PLPPR5: variants seen among roughly 807,000 people sequenced by gnomAD.
The protein encoded by PLPPR5 is phospholipid phosphatase-related protein type 5.
A neutral mutation model predicts 33.9 loss-of-function variants in PLPPR5; 16 were observed. That is an observed-to-expected ratio of 0.47 (90% CI 0.32 to 0.72). PLPPR5 has a LOEUF of 0.72. Ranked by LOEUF, PLPPR5 falls within the 30% of genes least tolerant of loss-of-function variation. The probability of loss-of-function intolerance (pLI) is 0.03; values close to 1 mark genes in which losing one functional copy is unlikely to be tolerated. For missense variants in PLPPR5, 301 were observed against 406.7 expected (o/e 0.74, Z 2.23); for synonymous variants, 163 against 150.3 (o/e 1.08, Z -0.62).
At chr1:98,984,414 G>A (rs1032227731) in intron 1 of PLPPR5, among the ~76,000 whole-genome samples, 3 of 151,920 alleles carry the variant, frequency 2.0e-5, no homozygotes, top group East Asian at 1.9e-4. Flanking sequence ...ATAAGTATTT[G>A]TCCCTGGAAG....
chr1:98,953,355 TTGTGTGTGTGTG>T (rs58092870), intron 2 of PLPPR5, 35 bp from the exon 3 acceptor site: 173,740 of 1,377,074 alleles, frequency 0.13, 3,540 homozygotes, highest in East Asian at 0.24. Flanking sequence ...AACTTCTTGC[TTGTGTGTGTGTG>T]TGTGTGTGTG....
rs530926100 is a variant in PLPPR5 at position 99,002,359 on chromosome 1, C to A, written c.237+2076G>T. 2.0e-5 allele frequency among the ~76,000 whole-genome samples: 3 copies of A among 152,342 alleles called. No individual in the cohort carries two copies. The South Asian group carries it at 6.2e-4, about 32-fold the overall frequency. On this transcript the variant is annotated intron_variant, in intron 1 of 5. Transcript: ENST00000263177. ...ACTTATATTCTCAATGCCTGCCTGA[C>A]CAGCCAGCTTCCACCTTCTTTCAGA...
At chr1:98,974,666 G>T (rs973376382) in intron 1 of PLPPR5, among the ~76,000 whole-genome samples, 1 of 151,970 alleles carries the variant, frequency 6.6e-6, no homozygotes, top group Non-Finnish European at 1.5e-5. Flanking sequence ...ACTGAGGCAG[G>T]AGAAAGTTAT....
intron 5 of PLPPR5, among the ~76,000 whole-genome samples, chr1:98,910,413 T>A (rs191222803): frequency 0.013 from 2,049 of 152,268 alleles, 17 homozygotes; most frequent in Middle Eastern, 0.017. Flanking sequence ...GAAGTTTAAG[T>A]AGAATGAAGT....
At chr1:98,936,581 C>T (rs941532858) in intron 3 of PLPPR5, among the ~76,000 whole-genome samples, 2 of 152,188 alleles carry the variant, frequency 1.3e-5, no homozygotes, top group African/African-American at 2.4e-5. Flanking sequence ...TAAAAGTTTT[C>T]CCAGTTGAGA....
At chr1:98,984,368 TA>T (rs1456871797) in intron 1 of PLPPR5, among the ~76,000 whole-genome samples, 1 of 152,066 alleles carries the variant, frequency 6.6e-6, no homozygotes, top group East Asian at 1.9e-4. Context: ...AAGAACTGAG[TA>T]CACCCCCTTC....
chr1:98,896,953 G>A (rs1414419048), intron 5 of PLPPR5, among the ~76,000 whole-genome samples: 1 of 152,090 alleles, frequency 6.6e-6, no homozygotes, highest in Non-Finnish European at 1.5e-5. Flanking sequence ...AAGGGGAAAA[G>A]TATGAGAAAA....
At chr1:98,905,561 A>T (rs1344003936) in intron 5 of PLPPR5, among the ~76,000 whole-genome samples, 1 of 152,002 alleles carries the variant, frequency 6.6e-6, no homozygotes, top group Non-Finnish European at 1.5e-5. Context: ...TTGTACTTTA[A>T]CATTTTTGCT....
intron 3 of PLPPR5, among the ~76,000 whole-genome samples, chr1:98,926,841 T>A (rs950845237): frequency 2.6e-5 from 4 of 152,226 alleles, no homozygotes; most frequent in Admixed American, 6.5e-5. Flanking sequence ...TCGTATAAAA[T>A]TTTTATTTAA....
intron 1 of PLPPR5, among the ~76,000 whole-genome samples, chr1:98,982,085 G>A (rs553787280): frequency 6.6e-6 from 1 of 151,982 alleles, no homozygotes; most frequent in Non-Finnish European, 1.5e-5. Flanking sequence ...TGATGAAAAT[G>A]TACAGAGTAT....
chr1:98,922,956 G>C (rs942849911), intron 3 of PLPPR5, among the ~76,000 whole-genome samples: 1 of 151,878 alleles, frequency 6.6e-6, no homozygotes, highest in African/African-American at 2.4e-5. Flanking sequence ...CTGCACTCCA[G>C]CCTGGGTGAC....
intron 1 of PLPPR5, among the ~76,000 whole-genome samples, chr1:98,978,408 G>A (rs1651939884): frequency 6.6e-6 from 1 of 151,936 alleles, no homozygotes; most frequent in African/African-American, 2.4e-5. Context: ...ATTTGTTTCA[G>A]CTACATGTAA....
chr1:98,980,125 A>C (rs754056460), intron 1 of PLPPR5, among the ~76,000 whole-genome samples: 10 of 152,030 alleles, frequency 6.6e-5, no homozygotes, highest in African/African-American at 2.2e-4. Flanking sequence ...CTCCTGAAAG[A>C]AGCAACAAAA....
chr1:98,922,711 C>T (rs544245857), intron 3 of PLPPR5, among the ~76,000 whole-genome samples: 6 of 152,258 alleles, frequency 3.9e-5, no homozygotes, highest in African/African-American at 7.2e-5. Context: ...GTAGGCCGGG[C>T]GCGGTGGCTC....
chr1:98,899,634 A>G (rs1328512143), intron 5 of PLPPR5, among the ~76,000 whole-genome samples: 1 of 151,818 alleles, frequency 6.6e-6, no homozygotes, highest in Admixed American at 6.6e-5. Context: ...GAAGACCTTC[A>G]GAAAATACCT....
At position 98,995,986 on chromosome 1, in the gene PLPPR5, T is replaced by C. The variant is rs146049296; in HGVS notation, c.237+8449A>G. Among the ~76,000 whole-genome samples, 771 of 152,086 alleles carry C rather than the reference T, an allele frequency of 5.1e-3. 14 individuals are homozygous for C. Among genetic ancestry groups the C allele is most frequent in the African/African-American group, 0.018 (734 of 41,452 alleles). On this transcript the variant is annotated intron_variant, in intron 1 of 5. Transcript: ENST00000263177. ...ACTTTGAGATGCTCAAGTCTAGTTA[T>C]GGAAATGTAAATAAAATACAATATA... is the stretch of plus-strand genomic sequence containing the variant.
chr1:98,925,703 A>AC (rs397733618), intron 3 of PLPPR5, among the ~76,000 whole-genome samples: 7 of 150,536 alleles, frequency 4.7e-5, no homozygotes, highest in Middle Eastern at 3.4e-3. Context: ...AAATAAAAAA[A>AC]CACAAATATT....
At chr1:98,906,639 G>A (rs1648911803) in intron 5 of PLPPR5, among the ~76,000 whole-genome samples, 2 of 152,106 alleles carry the variant, frequency 1.3e-5, no homozygotes, top group South Asian at 4.1e-4. Flanking sequence ...CTCTGCCTAA[G>A]GAAGGAAATA....
At chr1:98,948,671 G>A (rs1650649856) in intron 3 of PLPPR5, among the ~76,000 whole-genome samples, 1 of 152,190 alleles carries the variant, frequency 6.6e-6, no homozygotes, top group Non-Finnish European at 1.5e-5. Flanking sequence ...AGGCGGCTCT[G>A]AGATGCCATC....
Sources: allele counts gnomAD v4.1 joint callset (sites outside exome capture counted in the v4.1 genomes callset), GRCh38; gene constraint gnomAD v4.1.1; transcripts MANE v1.5; gene names NCBI Gene and HGNC (gene_info 2026-07-23, HGNC 2026-07-21).